NRXN3: variants seen among roughly 807,000 people sequenced by gnomAD.
NRXN3 encodes the protein neurexin III.
Under a neutral mutation model 137.6 loss-of-function variants are expected in NRXN3, and 32 were observed. That is an observed-to-expected ratio of 0.23 (90% CI 0.18 to 0.31). The LOEUF is 0.31. NRXN3 is among the 10% of genes least tolerant of loss of function. NRXN3 has a pLI of 1.00. For synonymous variants in NRXN3, 798 were observed against 784.5 expected (o/e 1.02, Z -0.29); for missense variants, 1,574 against 2,062.5 (o/e 0.76, Z 4.59).
chr14:79,601,971 TTTATC>T (rs2097928243), intron 16 of NRXN3, among the ~76,000 whole-genome samples: 1 of 119,494 alleles, frequency 8.4e-6, no homozygotes, highest in African/African-American at 3.0e-5. Flanking sequence ...ATATTATGAA[TTTATC>T]TTCTTTTGAA....
At chr14:78,721,999 T>C (rs965428271) in intron 8 of NRXN3, among the ~76,000 whole-genome samples, 2 of 152,110 alleles carry the variant, frequency 1.3e-5, no homozygotes, top group African/African-American at 4.8e-5. Context: ...GGTTTTATGA[T>C]TGCAGAAAGC....
chr14:78,601,118 C>A (rs1230680750), intron 4 of NRXN3, among the ~76,000 whole-genome samples: 1 of 152,166 alleles, frequency 6.6e-6, no homozygotes, highest in Admixed American at 6.6e-5. Context: ...GAAAGAAAAC[C>A]TGGATACAGT....
At chr14:79,454,322 T>G (rs1484642459) in intron 15 of NRXN3, among the ~76,000 whole-genome samples, 6 of 152,118 alleles carry the variant, frequency 3.9e-5, no homozygotes, top group African/African-American at 9.7e-5. Context: ...GACCTTGTGA[T>G]CCACCTGCCT....
intron 4 of NRXN3, among the ~76,000 whole-genome samples, chr14:78,431,424 A>C (rs947774341): frequency 3.9e-5 from 6 of 152,200 alleles, no homozygotes; most frequent in African/African-American, 1.2e-4. Context: ...ATAGGAGTAT[A>C]GGAATGAGTG....
chr14:78,996,092 A>G (rs257203), intron 15 of NRXN3, among the ~76,000 whole-genome samples: 1,862 of 152,272 alleles, frequency 0.012, 35 homozygotes, highest in African/African-American at 0.042. Flanking sequence ...AGAAAGACAC[A>G]TGATTTTTTT....
chr14:78,670,275 G>A (rs61976155), intron 6 of NRXN3, among the ~76,000 whole-genome samples: 8,579 of 152,252 alleles, frequency 0.056, 284 homozygotes, highest in Middle Eastern at 0.14. Context: ...GGACATCTGC[G>A]TTGGTTCCAA....
At chr14:78,526,621 A>G (rs971475587) in intron 4 of NRXN3, 3 of 316,460 alleles carry the variant, frequency 9.5e-6, no homozygotes, top group Admixed American at 4.3e-5. Flanking sequence ...AAAATGGAGC[A>G]TATCTGCTTT....
chr14:78,225,985 GT>G (rs2064580360), intron 1 of NRXN3, among the ~76,000 whole-genome samples: 46 of 114,958 alleles, frequency 4.0e-4, no homozygotes, highest in Middle Eastern at 4.8e-3. Context: ...GTGTGTGTGT[GT>G]GTGTGTGTGT....
chr14:78,308,145 C>G (rs1020393721), intron 4 of NRXN3, among the ~76,000 whole-genome samples: 1 of 151,680 alleles, frequency 6.6e-6, no homozygotes, highest in Non-Finnish European at 1.5e-5. Flanking sequence ...ACTAAAGAGC[C>G]ATTGTGTGCA....
intron 19 of NRXN3, among the ~76,000 whole-genome samples, chr14:79,780,591 A>G (rs182292463): frequency 8.9e-4 from 135 of 152,286 alleles, no homozygotes; most frequent in Non-Finnish European, 1.6e-3. Flanking sequence ...CCTGGGCGAC[A>G]GAGCGAGACT....
chr14:79,668,333 C>T (rs1450154433), intron 17 of NRXN3, among the ~76,000 whole-genome samples: 1 of 152,020 alleles, frequency 6.6e-6, no homozygotes, highest in Non-Finnish European at 1.5e-5. Context: ...GACCAAAATA[C>T]CTTCATATCG....
At chr14:78,613,499 A>T (rs1270561990) in intron 4 of NRXN3, among the ~76,000 whole-genome samples, 1 of 152,002 alleles carries the variant, frequency 6.6e-6, no homozygotes, top group Non-Finnish European at 1.5e-5. Flanking sequence ...CTTCCGAGGC[A>T]ACTGTGAATC....
chr14:78,323,561 T>C (rs2079665194), intron 4 of NRXN3, among the ~76,000 whole-genome samples: 1 of 152,036 alleles, frequency 6.6e-6, no homozygotes, highest in Non-Finnish European at 1.5e-5. Flanking sequence ...AACAGCATCA[T>C]CATTTATCAG....
chr14:78,730,009 C>T (rs2098507257), intron 8 of NRXN3, among the ~76,000 whole-genome samples: 1 of 152,198 alleles, frequency 6.6e-6, no homozygotes. Context: ...CCCTCACCCC[C>T]AATAACAAGT....
intron 15 of NRXN3, among the ~76,000 whole-genome samples, chr14:79,096,169 A>ACCATCT (rs1236438443): frequency 1.3e-5 from 2 of 150,138 alleles, no homozygotes; most frequent in East Asian, 3.9e-4. Flanking sequence ...GTGCAGTGGC[A>ACCATCT]CCATCTCGGC....
At chr14:79,289,104 C>T (rs1456847476) in intron 15 of NRXN3, among the ~76,000 whole-genome samples, 3 of 152,184 alleles carry the variant, frequency 2.0e-5, no homozygotes, top group Admixed American at 1.3e-4. Context: ...GGTGAGGACT[C>T]AACTAAGAGC....
intron 20 of NRXN3, among the ~76,000 whole-genome samples, chr14:79,852,713 A>C (rs1001263645): frequency 6.6e-5 from 10 of 151,808 alleles, no homozygotes; most frequent in African/African-American, 2.2e-4. Flanking sequence ...AAAGCAAAGC[A>C]AAAAAAACGT....
At chr14:79,280,221 A>G (rs1194538349) in intron 15 of NRXN3, 33 of 1,590,352 alleles carry the variant, frequency 2.1e-5, no homozygotes, top group Non-Finnish European at 2.8e-5. Flanking sequence ...GCCCTTGGGC[A>G]TCATGAACTT....
At chr14:78,679,932 C>T (rs2098055935) in intron 6 of NRXN3, among the ~76,000 whole-genome samples, 5 of 152,120 alleles carry the variant, frequency 3.3e-5, no homozygotes, top group Admixed American at 2.6e-4. Context: ...TGAGATTCTA[C>T]AGCCAAATAG....
Sources: gnomAD v4.1 joint callset for allele counts (sites outside exome capture counted in the v4.1 genomes callset) on GRCh38, gnomAD v4.1.1 for gene constraint, MANE v1.5 for transcripts, NCBI Gene and HGNC (gene_info 2026-07-23, HGNC 2026-07-21) for gene names.